INTS10: variants seen among roughly 807,000 people sequenced by gnomAD.
INTS10 encodes the protein integrator complex subunit 10.
INTS10 carries 44 observed loss-of-function variants against 94.4 expected under a neutral mutation model. The observed-to-expected ratio is 0.47, with a 90% CI of 0.37 to 0.60. The LOEUF is 0.60. Among genes scored for constraint, INTS10 ranks in the 20% least tolerant of loss-of-function variants. INTS10 has a pLI of 0.00. For missense variants in INTS10, 797 were observed against 868.7 expected, an observed-to-expected ratio of 0.92 and a Z score of 1.04; for synonymous variants, 341 against 320.7, an observed-to-expected ratio of 1.06 and a Z score of -0.68.
intron 13 of INTS10, 176 bp downstream of exon 13, chr8:19,837,336 AAAAAG>A (rs1371503486): frequency 5.2e-6 from 3 of 576,668 alleles, no homozygotes; most frequent in Non-Finnish European, 9.2e-6. Flanking sequence ...AAAAAATTTT[AAAAAG>A]AAAAGAAAAA....
Position 19,846,441 on chromosome 8 carries a change from A to G in INTS10, c.1976+644A>G, listed in dbSNP as rs796428668. Among the ~76,000 whole-genome samples the G allele has an allele frequency of 1.3e-5, 2 of 150,684 alleles. No homozygotes were observed. The highest frequency in any genetic ancestry group is 5.0e-5 in the African/African-American group (2 of 40,378). On this transcript the variant is annotated intron_variant, in intron 16 of 16. Coordinates refer to ENST00000397977, the MANE Select transcript of INTS10 (RefSeq NM_018142.4). The surrounding 1 kb of genome is among the most constrained non-coding windows in gnomAD (Gnocchi z 4.2). ...AGAGTGAAACTCCATCTCAAAAAAA[A>G]AAACAAACAAACAAAACAGCTGTGC...
Position 19,824,792 on chromosome 8 carries a change from TTCC to T in INTS10, c.837-9_837-7del. 6.3e-7 allele frequency: 1 copy of T among 1,591,858 alleles called. No individual in the cohort carries two copies. The highest frequency in any genetic ancestry group is 1.1e-5 in the South Asian group (1 of 88,870). On this transcript the variant is annotated splice_region_variant and splice_polypyrimidine_tract_variant and intron_variant, in intron 7 of 16. Transcript: ENST00000397977. Reference sequence around the variant, plus strand: ...GTAATCAAATAAGTTTCATCATTCCTTCCTTTTTAGAAGCTATGGAGATATTTT... The same window carrying T: ...GTAATCAAATAAGTTTCATCATTCCTTTTTTAGAAGCTATGGAGATATTTT...
chr8:19,818,430 G>T (rs2066113618), intron 2 of INTS10, 88 bp downstream of exon 2: 3 of 1,336,372 alleles, frequency 2.2e-6, no homozygotes, highest in Admixed American at 3.4e-5. Flanking sequence ...GTTGGGGGAA[G>T]ATCTTCAAGT....
At position 19,822,440 on chromosome 8, in the gene INTS10, T is replaced by G. The variant is rs749084226; in HGVS notation, c.443T>G (p.Val148Gly). Reference protein sequence around the residue: ...RFPETVVQHGVGLGEALLEAE... With the variant: ...RFPETVVQHGGGLGEALLEAE... ...ATGAGTAATTTTGTTTTGAAATAGG[T>G]TGGCCTTGGGGAGGCACTATTAGAG... The change falls in exon 5 of 17, where the codon GTT (valine) becomes GGT (glycine). Residue 148 changes from valine to glycine, a missense_variant and splice_region_variant. This residue lies in a region of INTS10 where 734 missense variants were observed against 787.8 expected (regional missense o/e 0.93). Transcript: ENST00000397977. The G allele has an allele frequency of 3.1e-5, 49 of 1,598,516 alleles. No individual in the cohort carries two copies. The highest frequency in any genetic ancestry group is 4.2e-5 in the Non-Finnish European group (49 of 1,166,426).
chr8:19,817,725 G>C, intron 1 of INTS10, 59 bp downstream of exon 1: 3 of 1,550,576 alleles, frequency 1.9e-6, no homozygotes, highest in Non-Finnish European at 2.6e-6. Flanking sequence ...CCCGTCGCCC[G>C]GGCTGCCCTG....
intron 13 of INTS10, 176 bp downstream of exon 13, chr8:19,837,336 A>G: frequency 1.7e-6 from 1 of 576,668 alleles, no homozygotes; most frequent in South Asian, 2.3e-5. Context: ...AAAAAATTTT[A>G]AAAAGAAAAG....
chr8:19,823,172 G>A, intron 5 of INTS10, 129 bp from the exon 6 acceptor site: 3 of 685,234 alleles, frequency 4.4e-6, no homozygotes, highest in Non-Finnish European at 7.5e-6. Flanking sequence ...GAATACATGA[G>A]TCATAAGGGA....
Position 19,849,166 on chromosome 8 carries a change from T to C in INTS10, c.1977-2483T>C, listed in dbSNP as rs2068819023. Reference sequence around the variant, plus strand: ...GCTGTTTGCTGTTTTTTAAAGGCCTTCTAGCCCTCCCATGGGGTTACTGCA... The same window carrying C: ...GCTGTTTGCTGTTTTTTAAAGGCCTCCTAGCCCTCCCATGGGGTTACTGCA... On this transcript the variant is annotated intron_variant, in intron 16 of 16. Coordinates refer to ENST00000397977, the MANE Select transcript of INTS10 (RefSeq NM_018142.4). This position sits in a 1 kb window ranked among gnomAD's most constrained non-coding sequence, Gnocchi z 4.6. The C allele has an allele frequency of 1.6e-6, 2 of 1,289,074 alleles. No individual in the cohort carries two copies. The highest frequency in any genetic ancestry group is 3.0e-5 in the African/African-American group (2 of 65,844). 79.9% of individuals were successfully genotyped at this position (1,289,074 alleles called of 1,614,324 possible). A position where few individuals can be genotyped will look rare whatever the true frequency, so the allele number is the denominator to read the frequency against.
intron 8 of INTS10, among the ~76,000 whole-genome samples, chr8:19,825,636 G>C (rs1047528417): frequency 3.3e-5 from 5 of 152,044 alleles, no homozygotes; most frequent in Non-Finnish European, 7.4e-5. Context: ...TATATATAGA[G>C]AGTATATGCA....
At chr8:19,825,117 G>C in intron 8 of INTS10, 145 bp downstream of exon 8, 1 of 677,194 alleles carries the variant, frequency 1.5e-6, no homozygotes. Flanking sequence ...ATTTAGTTTT[G>C]TTTAGTTTGG....
chr8:19,847,781 G>C (rs1204634143), intron 16 of INTS10, among the ~76,000 whole-genome samples: 1 of 152,218 alleles, frequency 6.6e-6, no homozygotes, highest in African/African-American at 2.4e-5. Flanking sequence ...TGAGGAATGA[G>C]AGCAAGGGGA....
rs114269471 is a variant in INTS10 at position 19,847,682 on chromosome 8, C to T, written c.1976+1885C>T. Among the ~76,000 whole-genome samples, 906 of 152,290 alleles carry T rather than the reference C, an allele frequency of 5.9e-3. 9 individuals carry two copies. Among genetic ancestry groups the T allele is most frequent in the African/African-American group, 0.02 (832 of 41,554 alleles). On this transcript the variant is annotated intron_variant, in intron 16 of 16. Coordinates refer to ENST00000397977, the MANE Select transcript of INTS10 (RefSeq NM_018142.4). ...ATTGTCAAAAAATCAACAGTTGAAC[C>T]TCAGACTTCATTGTACTGAACCTTT...
chr8:19,848,247 T>C (rs1395387850), intron 16 of INTS10, among the ~76,000 whole-genome samples: 2 of 152,158 alleles, frequency 1.3e-5, no homozygotes, highest in Non-Finnish European at 2.9e-5. Context: ...GGCAGAGATG[T>C]TGTGAGCAGT....
intron 5 of INTS10, 93 bp downstream of exon 5, chr8:19,822,613 A>G: frequency 1.3e-6 from 1 of 754,304 alleles, no homozygotes; most frequent in Middle Eastern, 3.4e-4. Context: ...TGAAAGGCAA[A>G]GGAGCTTTAT....
chr8:19,824,868 A>G lies in INTS10; in HGVS notation c.902A>G (p.Glu301Gly), dbSNP rs2066668368. ...LCRYMNNFDS[E>G]AHAKYKNQVV... ...AGATACATGAACAACTTTGATAGTG[A>G]AGCACATGCAAAATATAAAAACCAA... The change falls in exon 8 of 17, where the codon GAA becomes GGA. Residue 301 changes from glutamate (E) to glycine (G), a missense_variant. Transcript: ENST00000397977. 6.2e-7 allele frequency: 1 copy of G among 1,612,788 alleles called. No homozygotes were observed.
intron 9 of INTS10, among the ~76,000 whole-genome samples, chr8:19,827,385 C>T (rs1563367286): frequency 1.2e-4 from 18 of 152,166 alleles, no homozygotes; most frequent in Non-Finnish European, 1.5e-5. Context: ...TTTTATTCCT[C>T]TTTTTTAATT....
chr8:19,827,803 C>T (rs2066919046), intron 9 of INTS10, among the ~76,000 whole-genome samples: 1 of 152,160 alleles, frequency 6.6e-6, no homozygotes, highest in African/African-American at 2.4e-5. Flanking sequence ...TCATTCTATC[C>T]CTGAGTCTGC....
At chr8:19,836,274 G>A (rs1315719482) in intron 12 of INTS10, among the ~76,000 whole-genome samples, 1 of 152,024 alleles carries the variant, frequency 6.6e-6, no homozygotes, top group Non-Finnish European at 1.5e-5. Context: ...GAACAAAAGG[G>A]TTTGCTTGAC....
intron 7 of INTS10, 88 bp downstream of exon 7, chr8:19,824,132 C>A: frequency 1.7e-6 from 2 of 1,205,896 alleles, no homozygotes; most frequent in South Asian, 1.6e-5. Context: ...CTGTGTAATG[C>A]GTAGGTATAG....
Sources: gnomAD v4.1 joint callset for allele counts (sites outside exome capture counted in the v4.1 genomes callset) on GRCh38, gnomAD v4.1.1 for gene constraint, gnomAD v4.1.1 regional missense constraint, Gnocchi (gnomAD v3.1) non-coding constraint, MANE v1.5 for transcripts, NCBI Gene and HGNC (gene_info 2026-07-23, HGNC 2026-07-21) for gene names.